PCDH17: variants seen among roughly 807,000 people sequenced by gnomAD.
The protein encoded by PCDH17 is protocadherin 17, also known as protocadherin-17.
Under a neutral mutation model 67.7 loss-of-function variants are expected in PCDH17, and 21 were observed. That is an observed-to-expected ratio of 0.31 (90% CI 0.22 to 0.45). PCDH17 has a LOEUF of 0.45. Among genes scored for constraint, PCDH17 ranks in the 20% least tolerant of loss-of-function variants. The pLI is 1.00. For missense variants in PCDH17, 1,471 were observed against 1,564.8 expected, an observed-to-expected ratio of 0.94 and a Z score of 1.01; for synonymous variants, 701 against 656.7, an observed-to-expected ratio of 1.07 and a Z score of -1.03.
chr13:57,693,344 A>ATATATATATATATC (rs1384014902), intron 3 of PCDH17, among the ~76,000 whole-genome samples: 9 of 141,040 alleles, frequency 6.4e-5, no homozygotes, highest in South Asian at 2.2e-4. Context: ...ATATATATAT[A>ATATATATATATATC]TCAAGGAGTT....
intron 3 of PCDH17, among the ~76,000 whole-genome samples, chr13:57,682,790 G>C (rs1214856985): frequency 6.6e-6 from 1 of 151,842 alleles, no homozygotes; most frequent in Non-Finnish European, 1.5e-5. Flanking sequence ...TAGAGAACCT[G>C]AAGTTGATAA....
At chr13:57,723,490 T>G (rs921190485) in intron 3 of PCDH17, among the ~76,000 whole-genome samples, 8 of 152,196 alleles carry the variant, frequency 5.3e-5, no homozygotes, top group African/African-American at 1.9e-4. Flanking sequence ...CAGGACACTC[T>G]AAATGTGTAG....
chr13:57,677,986 G>GT (rs1955411382), intron 3 of PCDH17, among the ~76,000 whole-genome samples: 1 of 151,702 alleles, frequency 6.6e-6, no homozygotes, highest in South Asian at 2.1e-4. Context: ...GAGATCTTTT[G>GT]TACAGCATGG....
intron 3 of PCDH17, among the ~76,000 whole-genome samples, chr13:57,718,416 T>C (rs1955842085): frequency 6.6e-6 from 1 of 152,006 alleles, no homozygotes. Flanking sequence ...CTCCTTTTAG[T>C]CAGATAGTGA....
intron 3 of PCDH17, among the ~76,000 whole-genome samples, chr13:57,696,420 T>G (rs578180107): frequency 4.0e-5 from 6 of 151,492 alleles, no homozygotes; most frequent in African/African-American, 1.4e-4. Context: ...AAGAAAACCA[T>G]CTTAAATGTG....
chr13:57,666,633 C>T, intron 2 of PCDH17, 28 bp from the exon 3 acceptor site: 1 of 1,608,456 alleles, frequency 6.2e-7, no homozygotes, highest in Non-Finnish European at 8.5e-7. Flanking sequence ...ACAACACTTT[C>T]TCTTCTTTTT....
chr13:57,641,179 T>TA (rs1171064203), intron 1 of PCDH17, among the ~76,000 whole-genome samples: 26 of 151,890 alleles, frequency 1.7e-4, no homozygotes, highest in Admixed American at 3.3e-4. Flanking sequence ...CCTACTTTAG[T>TA]AAAGGAGGCT....
In PCDH17 at chr13:57,724,974, C is replaced by G. The variant is rs746072494; in HGVS notation, c.3160C>G (p.Leu1054Val). ...IEPCTSTKGSLDGCEAKPGAL... is the reference protein window; with the variant it reads ...IEPCTSTKGSVDGCEAKPGAL... ...GCCTTGCACCTCAACAAAAGGCTCC[C>G]TGGATGGCTGTGAAGCAAAACCAGG... Residue 1054 changes from leucine (L) to valine (V), a missense_variant, in exon 4 of 4, where the codon CTG becomes GTG. Transcript: ENST00000377918. 1 of 1,614,116 alleles carries G rather than the reference C, an allele frequency of 6.2e-7. No homozygotes were observed. The highest frequency in any genetic ancestry group is 2.2e-5 in the East Asian group (1 of 44,850).
intron 1 of PCDH17, among the ~76,000 whole-genome samples, chr13:57,648,780 A>G (rs1954999300): frequency 6.6e-6 from 1 of 152,020 alleles, no homozygotes; most frequent in African/African-American, 2.4e-5. Context: ...ATCACGTACC[A>G]TGATATAAGG....
intron 3 of PCDH17, among the ~76,000 whole-genome samples, chr13:57,721,292 C>A (rs1216791670): frequency 6.6e-6 from 1 of 151,982 alleles, no homozygotes; most frequent in African/African-American, 2.4e-5. Flanking sequence ...CCAGATAGAA[C>A]CTGAAGAAAA....
chr13:57,688,687 A>C (rs925373858), intron 3 of PCDH17, among the ~76,000 whole-genome samples: 2 of 152,078 alleles, frequency 1.3e-5, no homozygotes, highest in African/African-American at 4.8e-5. Context: ...AAGATTCCAC[A>C]TCATTGTAAT....
At chr13:57,637,077 C>G (rs1201793702) in intron 1 of PCDH17, among the ~76,000 whole-genome samples, 3 of 152,054 alleles carry the variant, frequency 2.0e-5, no homozygotes, top group African/African-American at 7.2e-5. Flanking sequence ...TGATTCCTCT[C>G]ATTGACAGTA....
In PCDH17 at chr13:57,664,411, A is replaced by G. The variant is rs140591915; in HGVS notation, c.2566-2057A>G. On this transcript the variant is annotated intron_variant, in intron 1 of 3. Coordinates refer to ENST00000377918, the MANE Select transcript of PCDH17 (RefSeq NM_001040429.3). The stretch of plus-strand genomic sequence containing the variant: ...GAAATATGATTTCATTTCTTAGCTT[A>G]TGTTTCTTATTTAATTAGAAATGCT... 8.0e-4 allele frequency among the ~76,000 whole-genome samples: 122 copies of G among 152,254 alleles called. 1 individual carries two copies. The highest frequency in any genetic ancestry group is 2.6e-3 in the Admixed American group (40 of 15,276).
intron 3 of PCDH17, among the ~76,000 whole-genome samples, chr13:57,679,369 A>T (rs1248167209): frequency 1.3e-5 from 2 of 151,306 alleles, no homozygotes; most frequent in Non-Finnish European, 3.0e-5. Context: ...ACAAAAAAAA[A>T]AAAGGAGTAT....
At chr13:57,696,215 A>G (rs1322147572) in intron 3 of PCDH17, among the ~76,000 whole-genome samples, 1 of 151,460 alleles carries the variant, frequency 6.6e-6, no homozygotes, top group African/African-American at 2.4e-5. Context: ...TTGACTTTCA[A>G]CAGACAACAT....
chr13:57,677,944 T>C (rs558892614), intron 3 of PCDH17, among the ~76,000 whole-genome samples: 2 of 151,702 alleles, frequency 1.3e-5, no homozygotes, highest in Non-Finnish European at 2.9e-5. Context: ...AGTCAAAGGA[T>C]ATGTAATTAC....
intron 3 of PCDH17, among the ~76,000 whole-genome samples, chr13:57,685,252 A>G (rs1955494734): frequency 6.6e-6 from 1 of 152,004 alleles, no homozygotes; most frequent in African/African-American, 2.4e-5. Flanking sequence ...AATTGTCTTT[A>G]TGCTCTTAAT....
At chr13:57,718,020 C>A (rs575669900) in intron 3 of PCDH17, among the ~76,000 whole-genome samples, 1 of 151,870 alleles carries the variant, frequency 6.6e-6, no homozygotes, top group African/African-American at 2.4e-5. Context: ...ATATATTTTC[C>A]TCATTATATT....
chr13:57,652,200 C>A (rs1246872976), intron 1 of PCDH17, among the ~76,000 whole-genome samples: 1 of 151,266 alleles, frequency 6.6e-6, no homozygotes, highest in Non-Finnish European at 1.5e-5. Flanking sequence ...ATGGCGTGAA[C>A]CCGGGAAGCG....
Sources: gnomAD v4.1 joint callset for allele counts (sites outside exome capture counted in the v4.1 genomes callset) on GRCh38, gnomAD v4.1.1 for gene constraint, MANE v1.5 for transcripts, NCBI Gene and HGNC (gene_info 2026-07-23, HGNC 2026-07-21) for gene names.